The following SSBP2 variants were observed in gnomAD, a reference collection of about 807,000 sequenced individuals.
The protein encoded by SSBP2 is single stranded DNA binding protein 2.
SSBP2 carries 17 observed loss-of-function variants against 61.8 expected under a neutral mutation model. That is an observed-to-expected ratio of 0.28 (90% CI 0.19 to 0.41). The LOEUF is 0.41. Ranked by LOEUF, SSBP2 falls within the 10% of genes least tolerant of loss-of-function variation. SSBP2 has a pLI of 1.00. For missense variants in SSBP2, 310 were observed against 458.7 expected (o/e 0.68, Z 2.96); for synonymous variants, 139 against 141.3 (o/e 0.98, Z 0.12).
At chr5:81,478,698 T>C (rs1765763817) in intron 6 of SSBP2, among the ~76,000 whole-genome samples, 1 of 152,178 alleles carries the variant, frequency 6.6e-6, no homozygotes, top group South Asian at 2.1e-4. Flanking sequence ...CTTGAACTCC[T>C]AGCCTCAAGT....
intron 4 of SSBP2, among the ~76,000 whole-genome samples, chr5:81,548,279 T>A (rs957969237): frequency 6.6e-6 from 1 of 152,130 alleles, no homozygotes; most frequent in Non-Finnish European, 1.5e-5. Flanking sequence ...TGGGTGACAA[T>A]GTGTCAATGC....
chr5:81,450,084 G>A (rs1378537528), intron 10 of SSBP2, among the ~76,000 whole-genome samples: 1 of 152,136 alleles, frequency 6.6e-6, no homozygotes, highest in African/African-American at 2.4e-5. Flanking sequence ...AGGCTGGAGT[G>A]CAATGGGACA....
chr5:81,666,726 G>T (rs1751168008), intron 1 of SSBP2, among the ~76,000 whole-genome samples: 1 of 152,082 alleles, frequency 6.6e-6, no homozygotes, highest in Non-Finnish European at 1.5e-5. Flanking sequence ...AATATGATTT[G>T]CTCTACTTCA....
At chr5:81,488,051 ATATATAT>A (rs1319682326) in intron 6 of SSBP2, among the ~76,000 whole-genome samples, 3 of 55,000 alleles carry the variant, frequency 5.5e-5, no homozygotes, top group African/African-American at 2.2e-4. Context: ...ATATATATAT[ATATATAT>A]AAATAAAATA....
intron 1 of SSBP2, among the ~76,000 whole-genome samples, chr5:81,699,331 T>C (rs976756351): frequency 1.1e-4 from 16 of 152,242 alleles, no homozygotes; most frequent in Admixed American, 5.2e-4. Context: ...TAGCATGCTA[T>C]GCTGTTTGAC....
intron 5 of SSBP2, among the ~76,000 whole-genome samples, chr5:81,496,203 G>A (rs1479309644): frequency 6.6e-6 from 1 of 151,074 alleles, no homozygotes; most frequent in Admixed American, 6.6e-5. Flanking sequence ...TTTTTGAGAC[G>A]GAGTCTCACT....
At chr5:81,588,880 G>A (rs75395964) in intron 4 of SSBP2, among the ~76,000 whole-genome samples, 3 of 152,120 alleles carry the variant, frequency 2.0e-5, no homozygotes, top group East Asian at 3.9e-4. Flanking sequence ...CCTGGGTAAC[G>A]TGATAAAACC....
At chr5:81,555,772 T>C (rs1416275414) in intron 4 of SSBP2, among the ~76,000 whole-genome samples, 2 of 152,120 alleles carry the variant, frequency 1.3e-5, no homozygotes, top group Non-Finnish European at 2.9e-5. Context: ...TCTGTATCAG[T>C]TTGTAAAGTG....
chr5:81,589,307 G>A (rs1418330720), intron 4 of SSBP2, among the ~76,000 whole-genome samples: 1 of 152,190 alleles, frequency 6.6e-6, no homozygotes, highest in East Asian at 1.9e-4. Context: ...AGTACAGCAT[G>A]AGAGGTTCAA....
chr5:81,585,930 A>G (rs973232419), intron 4 of SSBP2, among the ~76,000 whole-genome samples: 1 of 152,158 alleles, frequency 6.6e-6, no homozygotes, highest in Non-Finnish European at 1.5e-5. Context: ...TACACTTAAT[A>G]TAACATCCTC....
chr5:81,440,483 A>G (rs1762960266), intron 14 of SSBP2, 75 bp downstream of exon 14: 1 of 1,296,574 alleles, frequency 7.7e-7, no homozygotes, highest in East Asian at 2.3e-5. Context: ...AGAACTTTGG[A>G]AACTGTAATA....
chr5:81,461,563 AT>A (rs1229259795), intron 9 of SSBP2, among the ~76,000 whole-genome samples: 1 of 150,394 alleles, frequency 6.6e-6, no homozygotes, highest in Non-Finnish European at 1.5e-5. Flanking sequence ...GCAAATAAAA[AT>A]ATATAAAAGG....
At chr5:81,491,209 T>C (rs1415292326) in intron 5 of SSBP2, among the ~76,000 whole-genome samples, 2 of 152,248 alleles carry the variant, frequency 1.3e-5, no homozygotes, top group African/African-American at 4.8e-5. Context: ...GACATAGTCA[T>C]TAATTCAAAA....
intron 4 of SSBP2, among the ~76,000 whole-genome samples, chr5:81,605,175 G>C (rs756855801): frequency 1.4e-5 from 2 of 147,478 alleles, no homozygotes; most frequent in African/African-American, 4.9e-5. Flanking sequence ...CCTCAACAGA[G>C]AGAGTTCTTA....
intron 1 of SSBP2, among the ~76,000 whole-genome samples, chr5:81,739,145 C>CA (rs200281574): frequency 0.031 from 3,315 of 106,870 alleles, 83 homozygotes; most frequent in East Asian, 0.14. Flanking sequence ...AGCCTGGTGA[C>CA]AGAGTGAGAC....
intron 4 of SSBP2, among the ~76,000 whole-genome samples, chr5:81,601,822 C>T (rs563335432): frequency 6.6e-5 from 10 of 152,190 alleles, no homozygotes; most frequent in African/African-American, 2.4e-4. Context: ...GGGTACTGCA[C>T]GTGAAGTACC....
intron 12 of SSBP2, among the ~76,000 whole-genome samples, chr5:81,446,043 T>G (rs1270367473): frequency 1.3e-5 from 2 of 152,186 alleles, no homozygotes; most frequent in Admixed American, 6.5e-5. Context: ...AAAATTGAAT[T>G]AGGCATGAGT....
intron 10 of SSBP2, among the ~76,000 whole-genome samples, chr5:81,455,080 C>T (rs979241874): frequency 3.3e-5 from 5 of 152,178 alleles, no homozygotes; most frequent in East Asian, 3.9e-4. Flanking sequence ...CTAATTATAA[C>T]GTGTTAAGTA....
chr5:81,473,565 A>T, intron 8 of SSBP2, 135 bp downstream of exon 8: 1 of 748,294 alleles, frequency 1.3e-6, no homozygotes, highest in East Asian at 2.7e-5. Context: ...CAAAGGACAT[A>T]ATCGCATTCC....
Sources: allele counts gnomAD v4.1 joint callset (sites outside exome capture counted in the v4.1 genomes callset), GRCh38; gene constraint gnomAD v4.1.1; transcripts MANE v1.5; gene names NCBI Gene and HGNC (gene_info 2026-07-23, HGNC 2026-07-21).